Variants in ITGA2 observed in about 807,000 individuals in gnomAD.
ITGA2 encodes integrin alpha-2.
A neutral mutation model predicts 146.3 loss-of-function variants in ITGA2; 101 were observed. The observed-to-expected ratio is 0.69, with a 90% CI of 0.59 to 0.81. The LOEUF (loss-of-function observed/expected upper bound fraction) is 0.81, where lower values mean the gene tolerates loss of function less well. ITGA2 is among the 40% of genes least tolerant of loss of function. The pLI is 0.00. For missense variants in ITGA2, 1,281 were observed against 1,402.7 expected, an observed-to-expected ratio of 0.91 and a Z score of 1.39; for synonymous variants, 477 against 487.1, an observed-to-expected ratio of 0.98 and a Z score of 0.27.
chr5:53,006,736 G>A (rs1356795315), intron 1 of ITGA2, among the ~76,000 whole-genome samples: 1 of 152,142 alleles, frequency 6.6e-6, no homozygotes, highest in African/African-American at 2.4e-5. Context: ...CGAAGTTTCA[G>A]GGGCCCTCCC....
intron 2 of ITGA2, among the ~76,000 whole-genome samples, chr5:53,030,227 A>G (rs1429918616): frequency 6.6e-6 from 1 of 152,220 alleles, no homozygotes; most frequent in Non-Finnish European, 1.5e-5. Flanking sequence ...CATTGTTGAA[A>G]GACAAGTATA....
chr5:52,989,983 CG>C (rs1395408454), intron 1 of ITGA2: 1 of 198,926 alleles, frequency 5.0e-6, no homozygotes, highest in Non-Finnish European at 1.0e-5. Context: ...TTGCTGATGG[CG>C]GCCTGCAGCT....
At chr5:53,042,314 A>G (rs1311435662) in intron 3 of ITGA2, 93 bp downstream of exon 3, 1 of 884,902 alleles carries the variant, frequency 1.1e-6, no homozygotes, top group African/African-American at 1.6e-5. Flanking sequence ...TTAAAGAAAT[A>G]CAGACAGCTT....
intron 1 of ITGA2, among the ~76,000 whole-genome samples, chr5:53,018,999 G>A (rs1008121743): frequency 6.6e-6 from 1 of 152,080 alleles, no homozygotes; most frequent in Non-Finnish European, 1.5e-5. Context: ...GGGAGGCGGA[G>A]GTTGCAGTGA....
At chr5:53,005,363 C>T (rs183272229) in intron 1 of ITGA2, among the ~76,000 whole-genome samples, 1 of 152,086 alleles carries the variant, frequency 6.6e-6, no homozygotes, top group Non-Finnish European at 1.5e-5. Context: ...GGGCAGATCA[C>T]TGGAGGTGAG....
intron 1 of ITGA2, among the ~76,000 whole-genome samples, chr5:53,019,376 A>T (rs1316648915): frequency 6.6e-6 from 1 of 152,192 alleles, no homozygotes; most frequent in African/African-American, 2.4e-5. Flanking sequence ...CGTTCCGAGT[A>T]GTGTGACAAA....
chr5:53,058,133 G>A, intron 10 of ITGA2, 32 bp downstream of exon 10: 1 of 1,508,380 alleles, frequency 6.6e-7, no homozygotes, highest in South Asian at 1.1e-5. Flanking sequence ...AAGCCATGTT[G>A]TCATTTGGCA....
Position 53,060,975 on chromosome 5 carries a change from G to C in ITGA2, c.1387G>C (p.Gly463Arg). ...TGGTGCTCCTCGGGCAAATTATACC[G>C]GCCAGATAGTGCTATATAGTGTGAA... ...VAGAPRANYT[G>R]QIVLYSVNEN... is the part of the protein sequence containing the mutation. The change falls in exon 12 of 30, where the codon GGC (glycine) becomes CGC (arginine). Residue 463 changes from glycine (G) to arginine (R), a missense_variant. This residue lies in a region of ITGA2 where 795 missense variants were observed against 841.7 expected (regional missense o/e 0.94). Coordinates refer to ENST00000296585, the MANE Select transcript of ITGA2 (RefSeq NM_002203.4). 2 of 1,612,340 alleles carry C rather than the reference G, an allele frequency of 1.2e-6. No homozygotes were observed. Among genetic ancestry groups the C allele is most frequent in the Non-Finnish European group, 8.5e-7 (1 of 1,178,872 alleles).
In ITGA2 at chr5:53,042,162, A is replaced by T. The variant is rs773339269; in HGVS notation, c.236A>T (p.Asp79Val). ...GGCTTTCCTGAGAACCGAATGGGAG[A>T]TGTGTATAAATGTCCTGTTGACCTA... ...WSGFPENRMG[D>V]VYKCPVDLST... Residue 79 changes from aspartate (D) to valine (V), a missense_variant, in exon 3 of 30, where the codon GAT becomes GTT. Transcript: ENST00000296585. 9.3e-6 allele frequency: 15 copies of T among 1,613,348 alleles called. No homozygotes were observed. Among genetic ancestry groups the T allele is most frequent in the Non-Finnish European group, 1.2e-5 (14 of 1,179,460 alleles).
intron 25 of ITGA2, 22 bp downstream of exon 25, chr5:53,080,643 A>C (rs369762145): frequency 6.6e-7 from 1 of 1,510,618 alleles, no homozygotes; most frequent in African/African-American, 1.4e-5. Context: ...AAAATTGCCT[A>C]AAAATGTGTA....
At chr5:53,012,328 G>A (rs992772168) in intron 1 of ITGA2, among the ~76,000 whole-genome samples, 8 of 152,108 alleles carry the variant, frequency 5.3e-5, no homozygotes, top group Non-Finnish European at 1.2e-4. Flanking sequence ...GCACCAGATA[G>A]CAACATTATA....
rs539982479 is a variant in ITGA2 at position 53,033,590 on chromosome 5, A to T, written c.185+6722A>T. ...GAGTTTGCTTATATCTTATTTAATT[A>T]AATTAATTAATTAATTAATTAATTT... On this transcript the variant is annotated intron_variant, in intron 2 of 29. Transcript: ENST00000296585. Among the ~76,000 whole-genome samples, 25 of 151,956 alleles carry T rather than the reference A, an allele frequency of 1.6e-4. No homozygotes were observed. The East Asian group carries it at 2.1e-3, about 13-fold the overall frequency.
chr5:52,991,753 C>T (rs115106898), intron 1 of ITGA2, among the ~76,000 whole-genome samples: 4,940 of 152,196 alleles, frequency 0.032, 279 homozygotes, highest in African/African-American at 0.11. Context: ...AACCTTTTCA[C>T]AGGTGCTTAA....
At position 53,072,085 on chromosome 5, in the gene ITGA2, A is replaced by C. The variant is rs772180945; in HGVS notation, c.2346+37A>C. ...TTACACTTCCTGGATTTAGACTGGC[A>C]AATAAAGTTCCACAGTCACTGCAAT... On this transcript the variant is annotated intron_variant, in intron 18 of 29. Coordinates refer to ENST00000296585, the MANE Select transcript of ITGA2 (RefSeq NM_002203.4). 2.8e-6 allele frequency: 4 copies of C among 1,410,884 alleles called. No homozygotes were observed. The Admixed American group carries it at 6.8e-5, about 24-fold the overall frequency. 87.4% of individuals were successfully genotyped at this position (1,410,884 alleles called of 1,614,324 possible). A position where few individuals can be genotyped will look rare whatever the true frequency, so the allele number is the denominator to read the frequency against.
At chr5:52,991,874 A>G (rs1466374573) in intron 1 of ITGA2, among the ~76,000 whole-genome samples, 1 of 152,238 alleles carries the variant, frequency 6.6e-6, no homozygotes, top group Non-Finnish European at 1.5e-5. Context: ...TGAAAAAGAG[A>G]GAACATAAGA....
chr5:53,083,009 T>G (rs932688675), intron 26 of ITGA2, among the ~76,000 whole-genome samples: 3 of 133,056 alleles, frequency 2.3e-5, no homozygotes, highest in East Asian at 2.2e-4. Flanking sequence ...TTGGGGGGGG[T>G]TGGTTTTTAG....
At position 53,072,657 on chromosome 5, in the gene ITGA2, T is replaced by C. The variant is rs1219288400; in HGVS notation, c.2391T>C (p.Ser797=). The C allele has an allele frequency of 3.1e-6, 5 of 1,611,030 alleles. No homozygotes were observed. In the South Asian group the frequency reaches 4.4e-5, roughly 14 times the overall value. Residue 797 remains serine (S), a synonymous_variant, in exon 19 of 30, where the codon TCT becomes TCC. Transcript: ENST00000296585. ...KDCGEDGLCI[S]DLVLDVRQIP... is the part of the protein sequence containing the mutation. ...GTGGTGAGGACGGACTTTGCATTTC[T>C]GATCTAGTCCTAGATGTCCGACAAA...
chr5:53,061,762 GACA>G (rs1744913900), intron 12 of ITGA2, among the ~76,000 whole-genome samples: 1 of 151,766 alleles, frequency 6.6e-6, no homozygotes, highest in Non-Finnish European at 1.5e-5. Context: ...ACTAATCCCT[GACA>G]ACCAACAAAA....
At chr5:53,020,144 CAAT>C in intron 1 of ITGA2, among the ~76,000 whole-genome samples, 1 of 152,144 alleles carries the variant, frequency 6.6e-6, no homozygotes, top group Middle Eastern at 3.4e-3. Flanking sequence ...CATAAATACT[CAAT>C]AAGTTTATTG....
Sources: gnomAD v4.1 joint callset for allele counts (sites outside exome capture counted in the v4.1 genomes callset) on GRCh38, gnomAD v4.1.1 for gene constraint, gnomAD v4.1.1 regional missense constraint, MANE v1.5 for transcripts, NCBI Gene and HGNC (gene_info 2026-07-23, HGNC 2026-07-21) for gene names.